The following DRC1 variants were observed in gnomAD, a reference collection of about 807,000 sequenced individuals.
DRC1 encodes dynein regulatory complex subunit 1.
A neutral mutation model predicts 98.7 loss-of-function variants in DRC1; 74 were observed. The ratio of observed to expected loss-of-function variants is 0.75; its 90% CI spans 0.62 to 0.91. The LOEUF (loss-of-function observed/expected upper bound fraction) is 0.91. Ranked by LOEUF, DRC1 falls within the 40% of genes least tolerant of loss-of-function variation. The probability of loss-of-function intolerance (pLI) is 0.00; values close to 1 mark genes in which losing one functional copy is unlikely to be tolerated. For missense variants in DRC1, 875 were observed against 886.0 expected (o/e 0.99, Z 0.16); for synonymous variants, 336 against 334.1 (o/e 1.01, Z -0.06).
In DRC1 at chr2:26,401,964, C is replaced by T. The variant is rs368120062; in HGVS notation, c.-26C>T. 13 of 1,573,856 alleles carry T rather than the reference C, an allele frequency of 8.3e-6. No homozygotes were observed. Among genetic ancestry groups the T allele is most frequent in the Admixed American group, 1.8e-5 (1 of 54,124 alleles). On this transcript the variant is annotated 5_prime_UTR_variant, in exon 1 of 17. Coordinates refer to ENST00000288710, the MANE Select transcript of DRC1 (RefSeq NM_145038.5). Reference sequence around the variant, plus strand: ...AGGTCTGGAGGTGGTGCGGAGGGAGCCGCCTAGGGACCAGGGACTCCTGCC... The same window carrying T: ...AGGTCTGGAGGTGGTGCGGAGGGAGTCGCCTAGGGACCAGGGACTCCTGCC...
chr2:26,432,067 A>C (rs1448569777), intron 7 of DRC1, 61 bp downstream of exon 7: 13 of 1,568,928 alleles, frequency 8.3e-6, no homozygotes, highest in Admixed American at 3.8e-5. Flanking sequence ...AACACCTGTG[A>C]ATGTTTCATA....
chr2:26,427,679 A>G (rs1218147979), intron 4 of DRC1, among the ~76,000 whole-genome samples: 2 of 152,120 alleles, frequency 1.3e-5, no homozygotes, highest in Admixed American at 6.6e-5. Flanking sequence ...CATTCTAACT[A>G]TATTTTTGTG....
chr2:26,433,868 C>T (rs1663500682), intron 7 of DRC1, among the ~76,000 whole-genome samples: 1 of 152,028 alleles, frequency 6.6e-6, no homozygotes. Flanking sequence ...CGTCCTAGTT[C>T]TTTCCTGTGT....
intron 10 of DRC1, among the ~76,000 whole-genome samples, chr2:26,447,507 G>A (rs1285065570): frequency 2.6e-5 from 4 of 152,078 alleles, no homozygotes; most frequent in Non-Finnish European, 4.4e-5. Flanking sequence ...TTTTTGTTTC[G>A]TTTTGCTTTT....
chr2:26,435,734 A>G (rs1663552281), intron 7 of DRC1, among the ~76,000 whole-genome samples: 1 of 151,940 alleles, frequency 6.6e-6, no homozygotes, highest in South Asian at 2.1e-4. Context: ...TGTTGCTGCA[A>G]AGGACATATT....
intron 1 of DRC1, among the ~76,000 whole-genome samples, chr2:26,409,971 C>A (rs1678548346): frequency 6.6e-6 from 1 of 150,762 alleles, no homozygotes. Context: ...AAGAATACCA[C>A]AAAAAGATGA....
chr2:26,445,193 C>A (rs938548507), intron 10 of DRC1, among the ~76,000 whole-genome samples: 4 of 152,162 alleles, frequency 2.6e-5, no homozygotes, highest in Non-Finnish European at 1.5e-5. Flanking sequence ...TTGTGTAGTA[C>A]CTCCATCGGG....
At chr2:26,442,367 G>A (rs146021035) in intron 8 of DRC1, among the ~76,000 whole-genome samples, 44 of 152,278 alleles carry the variant, frequency 2.9e-4, no homozygotes, top group African/African-American at 1.0e-3. Context: ...CTAGCCAAGC[G>A]CAGTGGCTTC....
chr2:26,423,305 A>T (rs7579769), intron 3 of DRC1, among the ~76,000 whole-genome samples: 7,525 of 152,126 alleles, frequency 0.049, 285 homozygotes, highest in African/African-American at 0.11. Context: ...CAATTAAATT[A>T]AAAAAGTGTC....
chr2:26,436,689 C>T (rs1453860475), intron 7 of DRC1, among the ~76,000 whole-genome samples: 4 of 152,124 alleles, frequency 2.6e-5, no homozygotes, highest in Non-Finnish European at 2.9e-5. Context: ...GTAGAGCTTG[C>T]ATTTATAGTT....
At chr2:26,434,581 A>G (rs559251358) in intron 7 of DRC1, among the ~76,000 whole-genome samples, 26 of 152,318 alleles carry the variant, frequency 1.7e-4, no homozygotes, top group African/African-American at 5.1e-4. Context: ...CCCTCAAGGA[A>G]CTTATAATCT....
intron 10 of DRC1, 99 bp from the exon 11 acceptor site, chr2:26,448,592 A>G (rs1558453857): frequency 1.6e-6 from 2 of 1,250,714 alleles, no homozygotes; most frequent in Admixed American, 1.9e-5. Context: ...TAAGAGGTAC[A>G]TTTTCTCAAG....
At chr2:26,418,566 AATATATAT>A (rs1678899025) in intron 2 of DRC1, among the ~76,000 whole-genome samples, 1 of 106,026 alleles carries the variant, frequency 9.4e-6, no homozygotes, top group Non-Finnish European at 1.7e-5. Flanking sequence ...ATTTATATAT[AATATATAT>A]TATATATAAA....
At chr2:26,443,556 G>A (rs1016620522) in intron 8 of DRC1, among the ~76,000 whole-genome samples, 12 of 152,146 alleles carry the variant, frequency 7.9e-5, no homozygotes, top group East Asian at 3.8e-4. Flanking sequence ...CACTTTCCAC[G>A]CTGTACTGTA....
intron 2 of DRC1, among the ~76,000 whole-genome samples, chr2:26,419,070 G>T (rs1311330490): frequency 6.6e-6 from 1 of 151,404 alleles, no homozygotes; most frequent in Non-Finnish European, 1.5e-5. Context: ...TATATTTTTA[G>T]TAGAGACGGG....
At chr2:26,418,639 T>A (rs867831496) in intron 2 of DRC1, among the ~76,000 whole-genome samples, 1,673 of 85,262 alleles carry the variant, frequency 0.02, 65 homozygotes, top group African/African-American at 0.079. Context: ...TATATATAAT[T>A]TATATAATAT....
intron 4 of DRC1, among the ~76,000 whole-genome samples, chr2:26,429,206 T>G (rs1386635795): frequency 2.7e-5 from 4 of 146,566 alleles, no homozygotes; most frequent in South Asian, 4.4e-4. Flanking sequence ...TTATTATTAT[T>G]ATTATTATTA....
chr2:26,417,803 A>T (rs1456949134), intron 2 of DRC1, among the ~76,000 whole-genome samples: 1 of 152,220 alleles, frequency 6.6e-6, no homozygotes, highest in African/African-American at 2.4e-5. Flanking sequence ...TCGTGGTGGT[A>T]TATAAATGTA....
rs767994896 is a variant in DRC1 at position 26,448,653 on chromosome 2, C to CT, written c.1397-33dup. On this transcript the variant is annotated intron_variant, in intron 10 of 16. Coordinates refer to ENST00000288710, the MANE Select transcript of DRC1 (RefSeq NM_145038.5). ...GTCAACTAGCTCCAGAAATTATCTT[C>CT]TTTTTCTTTCTCTCTCCTCCCCATG... The CT allele has an allele frequency of 4.2e-5, 67 of 1,599,472 alleles. No homozygotes were observed. In the South Asian group the frequency reaches 7.4e-4, roughly 18 times the overall value.
Sources: gnomAD v4.1 joint callset for allele counts (sites outside exome capture counted in the v4.1 genomes callset) on GRCh38, gnomAD v4.1.1 for gene constraint, MANE v1.5 for transcripts, NCBI Gene and HGNC (gene_info 2026-07-23, HGNC 2026-07-21) for gene names.